FER: variants seen among roughly 807,000 people sequenced by gnomAD.
FER encodes tyrosine-protein kinase Fer.
In FER, 63 loss-of-function variants were observed where a neutral mutation model predicts 111.0. The ratio of observed to expected loss-of-function variants is 0.57; its 90% CI spans 0.46 to 0.70. The LOEUF is 0.70. FER is among the 30% of genes least tolerant of loss of function. FER has a pLI of 0.00. For missense variants in FER, 914 were observed against 954.0 expected (o/e 0.96, Z 0.55); for synonymous variants, 327 against 313.9 (o/e 1.04, Z -0.44).
intron 9 of FER, among the ~76,000 whole-genome samples, chr5:108,893,717 G>A (rs34349846): frequency 0.057 from 8,661 of 152,036 alleles, 342 homozygotes; most frequent in Non-Finnish European, 0.082. Context: ...AAGACAAAAG[G>A]CAACTGTGTG....
At chr5:108,948,170 A>G (rs977452473) in intron 11 of FER, among the ~76,000 whole-genome samples, 22 of 152,066 alleles carry the variant, frequency 1.4e-4, no homozygotes, top group Non-Finnish European at 2.6e-4. Context: ...TCGCAATGGT[A>G]TTTTTACTGG....
At chr5:108,864,770 A>G (rs1489258072) in intron 5 of FER, among the ~76,000 whole-genome samples, 1 of 152,150 alleles carries the variant, frequency 6.6e-6, no homozygotes, top group Non-Finnish European at 1.5e-5. Flanking sequence ...GCCTTGTAGT[A>G]TAGTTTGAAG....
intron 2 of FER, among the ~76,000 whole-genome samples, chr5:108,787,663 A>G (rs923565693): frequency 1.3e-5 from 2 of 152,160 alleles, no homozygotes; most frequent in African/African-American, 4.8e-5. Context: ...CCAGACACAC[A>G]TTAATCCAGA....
At chr5:108,978,901 A>G (rs1761716219) in intron 13 of FER, among the ~76,000 whole-genome samples, 2 of 152,220 alleles carry the variant, frequency 1.3e-5, no homozygotes, top group Admixed American at 1.3e-4. Flanking sequence ...AAACTAAAAA[A>G]TATTCAGATT....
At chr5:108,824,275 A>G (rs982084898) in intron 3 of FER, among the ~76,000 whole-genome samples, 2 of 152,110 alleles carry the variant, frequency 1.3e-5, no homozygotes, top group African/African-American at 2.4e-5. Context: ...TTATGGCTCC[A>G]TAAGAAGTTT....
intron 8 of FER, among the ~76,000 whole-genome samples, chr5:108,878,153 C>T (rs919107322): frequency 6.6e-5 from 10 of 152,016 alleles, no homozygotes; most frequent in South Asian, 4.2e-4. Context: ...CTGATCTACC[C>T]GCCGCAGCCT....
At chr5:109,173,252 C>T (rs959342406) in intron 17 of FER, among the ~76,000 whole-genome samples, 1 of 152,310 alleles carries the variant, frequency 6.6e-6, no homozygotes, top group East Asian at 1.9e-4. Flanking sequence ...ATAAGTGATT[C>T]CCATTCAGTC....
chr5:108,783,241 C>G (rs1341067019), intron 2 of FER, among the ~76,000 whole-genome samples: 1 of 152,180 alleles, frequency 6.6e-6, no homozygotes, highest in Non-Finnish European at 1.5e-5. Context: ...CTTCACTCTA[C>G]TATTGAGCCT....
At chr5:109,032,165 C>T (rs961010796) in intron 13 of FER, among the ~76,000 whole-genome samples, 3 of 152,152 alleles carry the variant, frequency 2.0e-5, no homozygotes, top group African/African-American at 7.2e-5. Flanking sequence ...GCCAGAGAGA[C>T]TGCTGCATGG....
intron 10 of FER, among the ~76,000 whole-genome samples, chr5:108,902,616 A>G (rs1437405914): frequency 6.6e-6 from 1 of 152,226 alleles, no homozygotes; most frequent in Non-Finnish European, 1.5e-5. Flanking sequence ...TGGGAGGACC[A>G]TAGTGTAATG....
chr5:108,769,783 G>A (rs1049511030), intron 2 of FER, among the ~76,000 whole-genome samples: 2 of 152,182 alleles, frequency 1.3e-5, no homozygotes, highest in Non-Finnish European at 2.9e-5. Flanking sequence ...AAACCTTTTA[G>A]AAAACTATCT....
intron 2 of FER, among the ~76,000 whole-genome samples, chr5:108,788,671 G>C (rs1302932916): frequency 6.6e-6 from 1 of 151,390 alleles, no homozygotes; most frequent in Admixed American, 6.6e-5. Context: ...TTTTATCCTT[G>C]ACTCTCTGCT....
intron 16 of FER, among the ~76,000 whole-genome samples, chr5:109,058,412 C>A (rs1226734141): frequency 6.6e-6 from 1 of 152,000 alleles, no homozygotes; most frequent in African/African-American, 2.4e-5. Flanking sequence ...AATATGTTTT[C>A]TTTGCTCCCA....
At chr5:108,805,298 GT>G (rs1306860238) in intron 3 of FER, among the ~76,000 whole-genome samples, 1 of 152,162 alleles carries the variant, frequency 6.6e-6, no homozygotes, top group African/African-American at 2.4e-5. Context: ...CACCATGTTT[GT>G]GAGGCCTCCC....
At chr5:109,132,570 T>G (rs1752468691) in intron 17 of FER, among the ~76,000 whole-genome samples, 1 of 152,150 alleles carries the variant, frequency 6.6e-6, no homozygotes, top group African/African-American at 2.4e-5. Context: ...TTAAAAGGCC[T>G]AGATCCCAGG....
At chr5:109,141,264 TTTA>T (rs1302093397) in intron 17 of FER, among the ~76,000 whole-genome samples, 6 of 152,220 alleles carry the variant, frequency 3.9e-5, no homozygotes, top group Non-Finnish European at 7.3e-5. Context: ...AATATTTTAT[TTTA>T]TCATGAATAT....
intron 10 of FER, among the ~76,000 whole-genome samples, chr5:108,910,025 A>C (rs937403892): frequency 4.6e-5 from 7 of 152,034 alleles, no homozygotes; most frequent in Admixed American, 6.6e-5. Context: ...ACTGGGAATA[A>C]TATGTACTGC....
intron 17 of FER, among the ~76,000 whole-genome samples, chr5:109,179,398 A>G (rs1053735865): frequency 2.0e-5 from 3 of 148,986 alleles, no homozygotes; most frequent in African/African-American, 7.4e-5. Context: ...AGATTGTTTT[A>G]CCAATGGGTT....
intron 10 of FER, among the ~76,000 whole-genome samples, chr5:108,928,537 A>G (rs1359438452): frequency 6.6e-6 from 1 of 152,206 alleles, no homozygotes; most frequent in Non-Finnish European, 1.5e-5. Context: ...TGGCTATTAA[A>G]TATATTCAGA....
Sources: allele counts gnomAD v4.1 joint callset (sites outside exome capture counted in the v4.1 genomes callset), GRCh38; gene constraint gnomAD v4.1.1; transcripts MANE v1.5; gene names NCBI Gene and HGNC (gene_info 2026-07-23, HGNC 2026-07-21).